CDH13: variants seen among roughly 807,000 people sequenced by gnomAD.
The protein encoded by CDH13 is cadherin 13.
Under a neutral mutation model 63.8 loss-of-function variants are expected in CDH13, and 24 were observed. That is an observed-to-expected ratio of 0.38 (90% confidence interval 0.27 to 0.53). The LOEUF is 0.53. CDH13 is among the 20% of genes least tolerant of loss of function. The pLI, the probability that CDH13 is intolerant of heterozygous loss-of-function variation, is 0.85. For synonymous variants in CDH13, 503 were observed against 355.3 expected (o/e 1.42, Z -4.67); for missense variants, 1,049 against 903.1 (o/e 1.16, Z -2.07).
chr16:83,743,748 C>CTTTTTTTTTTTTTTT lies in CDH13; in HGVS notation c.1539-4355_1539-4341dup, dbSNP rs67886035. Among the ~76,000 whole-genome samples, 83 of 76,262 alleles carry CTTTTTTTTTTTTTTT rather than the reference C, an allele frequency of 1.1e-3. 6 individuals carry two copies. The highest frequency in any genetic ancestry group is 2.6e-3 in the Admixed American group (11 of 4,236). The allele number at this position is 76,262 out of a possible 152,430, so 50.0% of individuals were successfully genotyped here. A position where few individuals can be genotyped will look rare whatever the true frequency, so the allele number is the denominator to read the frequency against. ...TGATGAGTTGCCTTTTTTCTTTTTT[C>CTTTTTTTTTTTTTTT]TTTTTTTTTTTTTTTTTTTCTTTGC... On this transcript the variant is annotated intron_variant, in intron 10 of 13. Transcript: ENST00000567109.
chr16:82,830,635 C>T (rs546617697), intron 1 of CDH13, among the ~76,000 whole-genome samples: 1 of 152,284 alleles, frequency 6.6e-6, no homozygotes, highest in South Asian at 2.1e-4. Context: ...GTGTTCTTAC[C>T]TGCTCAGTGT....
intron 2 of CDH13, among the ~76,000 whole-genome samples, chr16:82,972,017 T>G (rs1481075674): frequency 2.0e-5 from 3 of 152,178 alleles, no homozygotes; most frequent in East Asian, 3.9e-4. Flanking sequence ...ATAAGCTTAT[T>G]TGTATTTCAC....
chr16:82,693,455 C>T (rs74928549), intron 1 of CDH13, among the ~76,000 whole-genome samples: 332 of 152,272 alleles, frequency 2.2e-3, no homozygotes, highest in Non-Finnish European at 3.5e-3. Flanking sequence ...AGACCACTTC[C>T]CAGCTTGCGA....
At chr16:82,854,024 C>G (rs574812521) in intron 1 of CDH13, among the ~76,000 whole-genome samples, 3 of 152,220 alleles carry the variant, frequency 2.0e-5, no homozygotes, top group South Asian at 2.1e-4. Context: ...CATCCCCTTA[C>G]CAAAGTTACT....
At chr16:83,295,121 A>T (rs769094006) in intron 5 of CDH13, among the ~76,000 whole-genome samples, 45 of 152,154 alleles carry the variant, frequency 3.0e-4, no homozygotes, top group Non-Finnish European at 5.1e-4. Flanking sequence ...TCAAGAACAC[A>T]CAATGGGGGA....
At chr16:83,488,980 C>G (rs575600600) in intron 7 of CDH13, among the ~76,000 whole-genome samples, 21 of 152,240 alleles carry the variant, frequency 1.4e-4, no homozygotes, top group African/African-American at 4.6e-4. Flanking sequence ...CCAGTGATGA[C>G]TTCCCAAGGC....
At chr16:83,683,803 T>C (rs1904277328) in intron 10 of CDH13, among the ~76,000 whole-genome samples, 1 of 152,232 alleles carries the variant, frequency 6.6e-6, no homozygotes. Flanking sequence ...CAGAATTCTT[T>C]GTTTTTATGT....
chr16:82,723,846 C>G (rs554570381), intron 1 of CDH13, among the ~76,000 whole-genome samples: 2 of 152,268 alleles, frequency 1.3e-5, no homozygotes, highest in East Asian at 3.9e-4. Context: ...CAGTGTTGAG[C>G]AAAGCAGGTG....
chr16:83,651,243 T>A (rs1266612143), intron 8 of CDH13, among the ~76,000 whole-genome samples: 1 of 152,192 alleles, frequency 6.6e-6, no homozygotes, highest in African/African-American at 2.4e-5. Context: ...AACAAAAAGT[T>A]CCCAAAAGAA....
chr16:83,208,834 G>C (rs2039254826), intron 4 of CDH13, among the ~76,000 whole-genome samples: 1 of 152,160 alleles, frequency 6.6e-6, no homozygotes, highest in Non-Finnish European at 1.5e-5. Context: ...AATCTGGTTG[G>C]ATGTGACAGG....
At chr16:83,571,934 C>A (rs528319874) in intron 7 of CDH13, among the ~76,000 whole-genome samples, 2 of 152,060 alleles carry the variant, frequency 1.3e-5, no homozygotes, top group Non-Finnish European at 2.9e-5. Flanking sequence ...CTGGCTCTGT[C>A]ATTTCCTCTG....
intron 7 of CDH13, among the ~76,000 whole-genome samples, chr16:83,533,522 G>A (rs1351038496): frequency 2.0e-5 from 3 of 152,078 alleles, no homozygotes; most frequent in Admixed American, 6.5e-5. Context: ...CATGGGCATT[G>A]CAGTAAGGAC....
chr16:82,649,201 T>C (rs1360888393), intron 1 of CDH13, among the ~76,000 whole-genome samples: 2 of 152,150 alleles, frequency 1.3e-5, no homozygotes, highest in Admixed American at 1.3e-4. Flanking sequence ...AATAGAAGAT[T>C]AGAGAAATAA....
chr16:82,920,092 C>T (rs926702911), intron 2 of CDH13, among the ~76,000 whole-genome samples: 1 of 152,196 alleles, frequency 6.6e-6, no homozygotes, highest in South Asian at 2.1e-4. Flanking sequence ...AGCAAAAGAA[C>T]ACTGCATGCC....
At chr16:83,304,009 T>C (rs1162052687) in intron 5 of CDH13, among the ~76,000 whole-genome samples, 2 of 152,150 alleles carry the variant, frequency 1.3e-5, no homozygotes, top group African/African-American at 4.8e-5. Context: ...GTGTTAGAGG[T>C]AGACAGAGAA....
At chr16:83,575,840 G>A (rs1905051922) in intron 7 of CDH13, among the ~76,000 whole-genome samples, 1 of 152,154 alleles carries the variant, frequency 6.6e-6, no homozygotes, top group African/African-American at 2.4e-5. Context: ...GCTATAGTTT[G>A]TGTAAGAGCA....
chr16:82,961,196 C>T (rs1906931253), intron 2 of CDH13, among the ~76,000 whole-genome samples: 1 of 152,114 alleles, frequency 6.6e-6, no homozygotes, highest in Admixed American at 6.5e-5. Flanking sequence ...ACACTGAGGC[C>T]CAGAGATGAA....
At chr16:82,684,089 A>G (rs1235497573) in intron 1 of CDH13, among the ~76,000 whole-genome samples, 1 of 152,220 alleles carries the variant, frequency 6.6e-6, no homozygotes, top group East Asian at 1.9e-4. Flanking sequence ...GTGAATAGCC[A>G]TGATCAAAGT....
intron 4 of CDH13, among the ~76,000 whole-genome samples, chr16:83,134,502 T>C (rs911930772): frequency 3.5e-5 from 5 of 144,008 alleles, no homozygotes; most frequent in Admixed American, 2.2e-4. Flanking sequence ...TAGATCTTGA[T>C]AGATTTGATG....
Sources: allele counts gnomAD v4.1 joint callset (sites outside exome capture counted in the v4.1 genomes callset), GRCh38; gene constraint gnomAD v4.1.1; transcripts MANE v1.5; gene names NCBI Gene and HGNC (gene_info 2026-07-23, HGNC 2026-07-21).